Variants in NIPAL1 observed in about 807,000 individuals in gnomAD.
NIPAL1 encodes magnesium transporter NIPA3.
Under a neutral mutation model 37.7 loss-of-function variants are expected in NIPAL1, and 35 were observed. The ratio of observed to expected loss-of-function variants is 0.93; its 90% CI spans 0.71 to 1.23. The LOEUF (loss-of-function observed/expected upper bound fraction) is 1.23. Among genes scored for constraint, NIPAL1 ranks in the 50% most tolerant of loss-of-function variants. The probability of loss-of-function intolerance (pLI) is 0.00; values close to 1 mark genes in which losing one functional copy is unlikely to be tolerated. For synonymous variants in NIPAL1, 162 were observed against 183.0 expected (o/e 0.89, Z 0.93); for missense variants, 412 against 473.9 (o/e 0.87, Z 1.21).
At chr4:48,023,344 A>G (rs1264462922) in intron 1 of NIPAL1, among the ~76,000 whole-genome samples, 2 of 152,192 alleles carry the variant, frequency 1.3e-5, no homozygotes, top group African/African-American at 4.8e-5. Flanking sequence ...TTAACTTTGC[A>G]TGTGGTAAAA....
In NIPAL1 at chr4:48,027,593, T is replaced by A. The variant is rs189855935; in HGVS notation, c.313+2259T>A. Among the ~76,000 whole-genome samples, 2 of 152,316 alleles carry A rather than the reference T, an allele frequency of 1.3e-5. No individual in the cohort carries two copies. The highest frequency in any genetic ancestry group is 1.3e-4 in the Admixed American group (2 of 15,304). The stretch of plus-strand genomic sequence containing the variant: ...CACAGTTAACTACTTTGCAAAATAG[T>A]CTTCATAGCTTATATATCCTGTTTA... On this transcript the variant is annotated intron_variant, in intron 2 of 5. Coordinates refer to ENST00000295461, the MANE Select transcript of NIPAL1 (RefSeq NM_207330.3). This position sits in a 1 kb window ranked among gnomAD's most constrained non-coding sequence, Gnocchi z 4.1.
At chr4:48,031,644 TA>T (rs1427796113) in intron 3 of NIPAL1, among the ~76,000 whole-genome samples, 2 of 152,226 alleles carry the variant, frequency 1.3e-5, no homozygotes, top group Non-Finnish European at 2.9e-5. Context: ...TACAGTACTT[TA>T]ATCATGAAGT....
Position 48,038,544 on chromosome 4 carries a change from G to A in NIPAL1, c.*2372G>A, listed in dbSNP as rs1359928781. 6.6e-6 allele frequency: 1 copy of A among 152,194 alleles called. No homozygotes were observed. The highest frequency in any genetic ancestry group is 2.4e-5 in the African/African-American group (1 of 41,426). 9.4% of individuals were successfully genotyped at this position (152,194 alleles called of 1,614,324 possible). The stretch of plus-strand genomic sequence containing the variant: ...GATCATTTGAGCTTAGGAGTTCAAG[G>A]CTGCAGTAAGTTATGATTGTGCCAC... On this transcript the variant is annotated 3_prime_UTR_variant, in exon 6 of 6. Coordinates refer to ENST00000295461, the MANE Select transcript of NIPAL1 (RefSeq NM_207330.3).
chr4:48,032,134 A>G (rs1255022043), intron 3 of NIPAL1, among the ~76,000 whole-genome samples: 1 of 152,218 alleles, frequency 6.6e-6, no homozygotes, highest in East Asian at 1.9e-4. Flanking sequence ...GAATACTCCT[A>G]TAGATTTGGG....
At chr4:48,021,775 T>C (rs1715571966) in intron 1 of NIPAL1, among the ~76,000 whole-genome samples, 2 of 152,050 alleles carry the variant, frequency 1.3e-5, no homozygotes, top group Admixed American at 6.6e-5. Flanking sequence ...TTTCAAGATA[T>C]ATGGAGAAAA....
intron 1 of NIPAL1, among the ~76,000 whole-genome samples, chr4:48,019,368 TTA>T (rs757448634): frequency 1.3e-3 from 194 of 152,334 alleles, no homozygotes; most frequent in Non-Finnish European, 1.7e-3. Flanking sequence ...TAATCCAAAA[TTA>T]TCTTTAAAAG....
chr4:48,016,776 G>A lies in NIPAL1; in HGVS notation c.-64G>A. 1 of 1,480,358 alleles carries A rather than the reference G, an allele frequency of 6.8e-7. No individual in the cohort carries two copies. Among genetic ancestry groups the A allele is most frequent in the Non-Finnish European group, 9.1e-7 (1 of 1,097,740 alleles). The allele number at this position is 1,480,358 out of a possible 1,614,324, so 91.7% of individuals were successfully genotyped here. A position where few individuals can be genotyped will look rare whatever the true frequency, so the allele number is the denominator to read the frequency against. ...GACCCCGCAGCCCCGCCCGCCGCGGGTGCGTGTGGAGAGGCCCAGGTGAGG... is the reference window on the plus strand; with the variant it reads ...GACCCCGCAGCCCCGCCCGCCGCGGATGCGTGTGGAGAGGCCCAGGTGAGG... On this transcript the variant is annotated 5_prime_UTR_variant, in exon 1 of 6. In the 5' UTR this introduces an upstream ATG that the reference lacks. Transcript: ENST00000295461.
intron 1 of NIPAL1, among the ~76,000 whole-genome samples, chr4:48,023,159 C>T (rs773440795): frequency 5.9e-5 from 9 of 152,062 alleles, no homozygotes; most frequent in Non-Finnish European, 1.2e-4. Flanking sequence ...AACCTCTAGC[C>T]TCTGCCTCCC....
At position 48,039,739 on chromosome 4, in the gene NIPAL1, A is replaced by G. The variant is rs1716038598; in HGVS notation, c.*3567A>G. 2 of 152,246 alleles carry G rather than the reference A, an allele frequency of 1.3e-5. No homozygotes were observed. Among genetic ancestry groups the G allele is most frequent in the African/African-American group, 4.8e-5 (2 of 41,468 alleles). 9.4% of individuals were successfully genotyped at this position (152,246 alleles called of 1,614,324 possible). A position where few individuals can be genotyped will look rare whatever the true frequency, so the allele number is the denominator to read the frequency against. Reference sequence around the variant, plus strand: ...TGGAAAGCATCTGGCATTATGCCTGATAATAGGCACTTAGTAAAATGTACT... The same window carrying G: ...TGGAAAGCATCTGGCATTATGCCTGGTAATAGGCACTTAGTAAAATGTACT... On this transcript the variant is annotated 3_prime_UTR_variant, in exon 6 of 6. Transcript: ENST00000295461.
chr4:48,028,814 A>C (rs1404148890), intron 2 of NIPAL1, among the ~76,000 whole-genome samples: 1 of 152,186 alleles, frequency 6.6e-6, no homozygotes, highest in African/African-American at 2.4e-5. Flanking sequence ...ATATGAAAAA[A>C]TCCTCAGTGT....
chr4:48,033,407 C>T (rs1715862456), intron 4 of NIPAL1, among the ~76,000 whole-genome samples: 1 of 152,104 alleles, frequency 6.6e-6, no homozygotes, highest in Non-Finnish European at 1.5e-5. Flanking sequence ...AAACCTAAGA[C>T]ACAGTGAGTT....
intron 1 of NIPAL1, among the ~76,000 whole-genome samples, chr4:48,022,424 G>A (rs1374573136): frequency 6.6e-6 from 1 of 152,162 alleles, no homozygotes; most frequent in African/African-American, 2.4e-5. Flanking sequence ...ATGAGAACTT[G>A]CAAAATGCAA....
intron 1 of NIPAL1, among the ~76,000 whole-genome samples, chr4:48,018,131 A>T (rs1401820203): frequency 2.6e-5 from 4 of 152,196 alleles, no homozygotes; most frequent in Non-Finnish European, 5.9e-5. Context: ...TAACGCCTGA[A>T]CAACTCACAA....
At position 48,022,738 on chromosome 4, in the gene NIPAL1, G is replaced by A. The variant is rs73814647; in HGVS notation, c.47-2330G>A. On this transcript the variant is annotated intron_variant, in intron 1 of 5. Coordinates refer to ENST00000295461, the MANE Select transcript of NIPAL1 (RefSeq NM_207330.3). Reference sequence around the variant, plus strand: ...TTGGGGCTTAGATGAGATAAACATCGTGTGGAACAAGATTGCTAAGGGCTA... The same window carrying A: ...TTGGGGCTTAGATGAGATAAACATCATGTGGAACAAGATTGCTAAGGGCTA... Among the ~76,000 whole-genome samples the A allele has an allele frequency of 1.3e-3, 197 of 152,252 alleles. 1 individual carries two copies. Among genetic ancestry groups the A allele is most frequent in the African/African-American group, 3.9e-3 (161 of 41,544 alleles).
At chr4:48,017,621 C>G (rs1431415938) in intron 1 of NIPAL1, among the ~76,000 whole-genome samples, 1 of 152,160 alleles carries the variant, frequency 6.6e-6, no homozygotes, top group Non-Finnish European at 1.5e-5. Context: ...TGCCCTTCGC[C>G]AAGTGTTCGC....
intron 4 of NIPAL1, among the ~76,000 whole-genome samples, chr4:48,034,377 C>G (rs1715880274): frequency 1.3e-5 from 2 of 151,874 alleles, no homozygotes; most frequent in African/African-American, 4.8e-5. Context: ...ATGTGTTGCC[C>G]AAGACAATTC....
intron 1 of NIPAL1, among the ~76,000 whole-genome samples, chr4:48,017,694 A>G (rs1481168916): frequency 6.6e-6 from 1 of 152,104 alleles, no homozygotes; most frequent in Non-Finnish European, 1.5e-5. Context: ...GGAAGGGGGT[A>G]GGGGGAGCGA....
chr4:48,028,020 G>A (rs1715729026), intron 2 of NIPAL1, among the ~76,000 whole-genome samples: 1 of 152,036 alleles, frequency 6.6e-6, no homozygotes, highest in South Asian at 2.1e-4. Flanking sequence ...ACATAAATAT[G>A]GTGAACCTGG....
intron 3 of NIPAL1, among the ~76,000 whole-genome samples, chr4:48,031,189 C>T (rs750244829): frequency 5.3e-5 from 8 of 151,998 alleles, no homozygotes; most frequent in Non-Finnish European, 8.8e-5. Context: ...CTCAGCCTCC[C>T]GAGTACCTGG....
Sources: allele counts gnomAD v4.1 joint callset (sites outside exome capture counted in the v4.1 genomes callset), GRCh38; gene constraint gnomAD v4.1.1; non-coding constraint Gnocchi (gnomAD v3.1); transcripts MANE v1.5; gene names NCBI Gene and HGNC (gene_info 2026-07-23, HGNC 2026-07-21).